Variants in CUX1 observed in about 807,000 individuals in gnomAD.
The protein encoded by CUX1 is protein CASP.
In CUX1, 31 loss-of-function variants were observed where a neutral mutation model predicts 158.8. The observed-to-expected ratio is 0.20, with a 90% confidence interval of 0.15 to 0.26. The LOEUF (loss-of-function observed/expected upper bound fraction) is 0.26. Ranked by LOEUF, CUX1 falls within the 10% of genes least tolerant of loss-of-function variation. The probability of loss-of-function intolerance (pLI) is 1.00; values close to 1 mark genes in which losing one functional copy is unlikely to be tolerated. For synonymous variants in CUX1, 879 were observed against 862.1 expected (o/e 1.02, Z -0.34); for missense variants, 1,589 against 2,014.6 (o/e 0.79, Z 4.04).
At chr7:102,195,670 G>A in intron 14 of CUX1, 67 bp downstream of exon 14, 1 of 1,423,420 alleles carries the variant, frequency 7.0e-7, no homozygotes, top group Non-Finnish European at 9.6e-7. Flanking sequence ...CGAGGACGAG[G>A]AAGGTGAATC....
intron 1 of CUX1, among the ~76,000 whole-genome samples, chr7:101,837,900 T>A (rs1428549153): frequency 2.0e-5 from 3 of 146,858 alleles, no homozygotes; most frequent in African/African-American, 7.5e-5. Context: ...GGTTTTAACA[T>A]TCCCATTTCT....
chr7:101,965,954 A>C (rs1288414740), intron 2 of CUX1, among the ~76,000 whole-genome samples: 1 of 152,144 alleles, frequency 6.6e-6, no homozygotes, highest in Non-Finnish European at 1.5e-5. Context: ...GTTGGAAACA[A>C]GCCAGCAGAA....
chr7:102,068,275 T>C (rs994008398), intron 3 of CUX1, among the ~76,000 whole-genome samples: 1 of 151,920 alleles, frequency 6.6e-6, no homozygotes, highest in African/African-American at 2.4e-5. Context: ...TTGTTTTTTG[T>C]AAAATTTTTA....
chr7:102,184,190 G>A (rs1292035017), intron 11 of CUX1, among the ~76,000 whole-genome samples: 1 of 152,142 alleles, frequency 6.6e-6, no homozygotes, highest in Non-Finnish European at 1.5e-5. Context: ...GAAACACCAT[G>A]CCCTGCAGTA....
intron 5 of CUX1, 23 bp from the exon 6 acceptor site, chr7:102,104,313 G>GTT (rs371174192): frequency 0.022 from 29,585 of 1,326,554 alleles, no homozygotes; most frequent in South Asian, 0.035. Context: ...CTTACTGTAG[G>GTT]TTTTTTTTTT....
chr7:102,258,327 C>T (rs150842051), downstream of CUX1: 5 of 376,510 alleles, frequency 1.3e-5, no homozygotes, highest in Non-Finnish European at 1.8e-5. Flanking sequence ...CAAGAATCGC[C>T]GTTCCCGAGG....
intron 2 of CUX1, among the ~76,000 whole-genome samples, chr7:101,930,823 A>G (rs888885480): frequency 3.9e-5 from 6 of 152,290 alleles, no homozygotes; most frequent in Middle Eastern, 3.4e-3. Context: ...GGTGCTGAGC[A>G]TGGTGGCTCA....
chr7:101,913,764 G>A, intron 1 of CUX1, among the ~76,000 whole-genome samples: 1 of 152,186 alleles, frequency 6.6e-6, no homozygotes, highest in East Asian at 1.9e-4. Context: ...GGGACCCCCG[G>A]CCAAAAGCAG....
chr7:101,928,340 T>C (rs1805863311), intron 2 of CUX1, among the ~76,000 whole-genome samples: 1 of 152,046 alleles, frequency 6.6e-6, no homozygotes, highest in Non-Finnish European at 1.5e-5. Context: ...TTTTGAGAAA[T>C]TGTGTTCACA....
chr7:102,118,046 C>T (rs1436584802), intron 8 of CUX1, among the ~76,000 whole-genome samples: 1 of 152,210 alleles, frequency 6.6e-6, no homozygotes, highest in Non-Finnish European at 1.5e-5. Context: ...TGAGACCTCC[C>T]CCACTGCCTT....
intron 1 of CUX1, among the ~76,000 whole-genome samples, chr7:101,865,690 C>A (rs1387741733): frequency 6.6e-6 from 1 of 152,112 alleles, no homozygotes; most frequent in Non-Finnish European, 1.5e-5. Context: ...GTGCGTGCAC[C>A]CTGGAGTGTG....
chr7:102,227,951 CTTT>C (rs781968632), intron 21 of CUX1, among the ~76,000 whole-genome samples: 3 of 117,318 alleles, frequency 2.6e-5, no homozygotes, highest in South Asian at 2.8e-4. Flanking sequence ...TCTTTTTTTT[CTTT>C]TTTTTTTTTT....
chr7:102,002,912 TA>T (rs1187940977), intron 2 of CUX1, among the ~76,000 whole-genome samples: 2 of 152,150 alleles, frequency 1.3e-5, no homozygotes, highest in African/African-American at 4.8e-5. Flanking sequence ...TTTATTTATT[TA>T]TTTTTTTTGA....
intron 8 of CUX1, among the ~76,000 whole-genome samples, chr7:102,157,427 GC>G (rs1789897277): frequency 6.6e-6 from 1 of 152,142 alleles, no homozygotes; most frequent in South Asian, 2.1e-4. Flanking sequence ...GTGGTGGTCT[GC>G]CCGGGTGTGC....
chr7:102,129,556 T>G (rs990906532), intron 8 of CUX1, among the ~76,000 whole-genome samples: 4 of 151,980 alleles, frequency 2.6e-5, no homozygotes, highest in Admixed American at 2.6e-4. Context: ...TGGTAGTGGG[T>G]GCCTGTAATC....
chr7:102,280,344 GC>G (rs1406186830), intron 19 of CUX1, among the ~76,000 whole-genome samples: 1 of 152,204 alleles, frequency 6.6e-6, no homozygotes, highest in African/African-American at 2.4e-5. Context: ...CCGCTTCAGT[GC>G]AATGTAGGCC....
chr7:102,085,508 C>T (rs1554480122), intron 4 of CUX1, among the ~76,000 whole-genome samples: 1 of 152,030 alleles, frequency 6.6e-6, no homozygotes, highest in African/African-American at 2.4e-5. Context: ...TTATAAGGAG[C>T]TTTTCCCGCT....
intron 2 of CUX1, among the ~76,000 whole-genome samples, chr7:101,920,683 T>C (rs1011513572): frequency 6.6e-5 from 10 of 152,262 alleles, no homozygotes; most frequent in African/African-American, 2.4e-4. Flanking sequence ...TTGCAGAAGA[T>C]TGCAGTTACT....
chr7:101,828,584 T>C (rs926092541), intron 1 of CUX1, among the ~76,000 whole-genome samples: 39 of 152,112 alleles, frequency 2.6e-4, no homozygotes, highest in Non-Finnish European at 5.6e-4. Context: ...GAGGTTTGGG[T>C]GTCAGCATCG....
Sources: allele counts gnomAD v4.1 joint callset (sites outside exome capture counted in the v4.1 genomes callset), GRCh38; gene constraint gnomAD v4.1.1; transcripts MANE v1.5; gene names NCBI Gene and HGNC (gene_info 2026-07-23, HGNC 2026-07-21).